Variants in DNAJC10 observed in about 807,000 individuals in gnomAD.
DNAJC10 encodes endoplasmic reticulum disulfide reductase DNAJC10.
In DNAJC10, 101 loss-of-function variants were observed where a neutral mutation model predicts 115.0. The ratio of observed to expected loss-of-function variants is 0.88; its 90% CI spans 0.75 to 1.04. DNAJC10 has a LOEUF of 1.04. Ranked by LOEUF, DNAJC10 falls within the 50% of genes least tolerant of loss-of-function variation. The probability of loss-of-function intolerance (pLI) is 0.00; values close to 1 mark genes in which losing one functional copy is unlikely to be tolerated. For synonymous variants in DNAJC10, 307 were observed against 301.5 expected, an observed-to-expected ratio of 1.02 and a Z score of -0.19; for missense variants, 981 against 928.8, an observed-to-expected ratio of 1.06 and a Z score of -0.73.
At chr2:182,760,523 A>G (rs1694262371) in intron 21 of DNAJC10, among the ~76,000 whole-genome samples, 1 of 152,072 alleles carries the variant, frequency 6.6e-6, no homozygotes, top group Non-Finnish European at 1.5e-5. Context: ...TGTTTTATTT[A>G]TTTTTATATC....
At chr2:182,756,610 GCT>G (rs1694162904) in intron 18 of DNAJC10, 141 bp downstream of exon 18, 2 of 825,806 alleles carry the variant, frequency 2.4e-6, no homozygotes, top group African/African-American at 1.7e-5. Context: ...TTTGATTCCA[GCT>G]CTGTTTCTGT....
In DNAJC10 at chr2:182,785,007, T is replaced by TTATC. The variant is rs1694920919; in HGVS notation, c.*7876_*7879dup. ...GTGTTTTCACTAAAAATATCCTGAATTATCAGTCAGTTATGTTTGACTATG... is the reference window on the plus strand; with the variant it reads ...GTGTTTTCACTAAAAATATCCTGAATTATCTATCAGTCAGTTATGTTTGACTATG... On this transcript the variant is annotated 3_prime_UTR_variant, in exon 24 of 24. Coordinates refer to ENST00000264065, the MANE Select transcript of DNAJC10 (RefSeq NM_018981.4). 1 of 152,220 alleles carries TTATC rather than the reference T, an allele frequency of 6.6e-6. No homozygotes were observed. The highest frequency in any genetic ancestry group is 2.1e-4 in the South Asian group (1 of 4,830). 9.4% of individuals were successfully genotyped at this position (152,220 alleles called of 1,614,324 possible).
In DNAJC10 at chr2:182,745,694, T is replaced by TA. The variant is rs544627440; in HGVS notation, c.1306+1982_1306+1983insA. The stretch of plus-strand genomic sequence containing the variant: ...GACAAGTAAACTAACAAATTTTTAT[T>TA]TTTTTTTTTTATGGACAAGTTTTTT... On this transcript the variant is annotated intron_variant, in intron 14 of 23. Coordinates refer to ENST00000264065, the MANE Select transcript of DNAJC10 (RefSeq NM_018981.4). Among the ~76,000 whole-genome samples the TA allele has an allele frequency of 9.8e-4, 144 of 147,194 alleles. 1 individual carries two copies. Among genetic ancestry groups the TA allele is most frequent in the Non-Finnish European group, 1.8e-3 (122 of 67,066 alleles).
rs966880132 is a variant in DNAJC10, at chr2:182,785,558, T to G, written c.*8426T>G. The G allele has an allele frequency of 3.3e-5, 5 of 152,240 alleles. No homozygotes were observed. The East Asian group carries it at 9.7e-4, about 29-fold the overall frequency. 9.4% of individuals were successfully genotyped at this position (152,240 alleles called of 1,614,324 possible). A position where few individuals can be genotyped will look rare whatever the true frequency, so the allele number is the denominator to read the frequency against. On this transcript the variant is annotated 3_prime_UTR_variant, in exon 24 of 24. Coordinates refer to ENST00000264065, the MANE Select transcript of DNAJC10 (RefSeq NM_018981.4). ...TAGTCATATAAATAAGATGAGGTAA[T>G]GTGTTTAGAAAAACAAATCAATGTG...
chr2:182,731,147 C>T (rs752906497), intron 9 of DNAJC10, 40 bp downstream of exon 9: 1 of 1,489,480 alleles, frequency 6.7e-7, no homozygotes, highest in South Asian at 1.2e-5. Context: ...GAGAACATGA[C>T]ATTTAAATTT....
At chr2:182,735,452 C>T (rs994145408) in intron 10 of DNAJC10, among the ~76,000 whole-genome samples, 2 of 151,848 alleles carry the variant, frequency 1.3e-5, no homozygotes, top group African/African-American at 4.8e-5. Flanking sequence ...TCTTTCTTAG[C>T]TTTTAATTGT....
At chr2:182,732,820 G>T in intron 10 of DNAJC10, 1 of 434,600 alleles carries the variant, frequency 2.3e-6, no homozygotes, top group Non-Finnish European at 4.0e-6. Flanking sequence ...TAGTGTTTTT[G>T]TCATTTCCCA....
In DNAJC10 at chr2:182,741,306, G is replaced by C; in HGVS notation, c.1141G>C (p.Asp381His). The C allele has an allele frequency of 6.2e-7, 1 of 1,602,238 alleles. No individual in the cohort carries two copies. ...FHFGKNENSN[D>H]PELKKLKTLL... The stretch of plus-strand genomic sequence containing the variant: ...TTTTGGAAAAAATGAAAATTCAAAT[G>C]ATCCTGAGCTGAAAAAACTAAAAAC... The change falls in exon 13 of 24, where the codon GAT becomes CAT. Residue 381 changes from aspartate (D) to histidine (H), a missense_variant. By Grantham distance (81) the Asp-to-His change is moderately conservative. Transcript: ENST00000264065.
At position 182,722,060 on chromosome 2, in the gene DNAJC10, GA is replaced by G; in HGVS notation, c.406del (p.Arg136GlufsTer16). On this transcript the variant is annotated frameshift_variant, in exon 5 of 24. Transcript: ENST00000264065. LOFTEE classifies it high-confidence loss of function. ...TGATGATCCTGAAATCATAACATTG[GA>G]AAGAAGAGAATTTGGTAAGTTTGTG... The part of the protein sequence containing the change: ...YDDDPEIITL[E>X]RREFDAAVNS... The G allele has an allele frequency of 6.4e-7, 1 of 1,563,378 alleles. No homozygotes were observed. The highest frequency in any genetic ancestry group is 8.7e-7 in the Non-Finnish European group (1 of 1,150,802).
rs578205322 is a variant in DNAJC10, at chr2:182,730,044, A to G, written c.727+103A>G. The G allele has an allele frequency of 8.5e-6, 6 of 702,904 alleles. No homozygotes were observed. The South Asian group carries it at 9.5e-5, about 11-fold the overall frequency. The allele number at this position is 702,904 out of a possible 1,614,324, so 43.5% of individuals were successfully genotyped here. ...ATTTTGGTCATGGTATTGAAATTTT[A>G]AAGTGTCTTTTCCATGTTTCTTAGA... On this transcript the variant is annotated intron_variant, in intron 8 of 23. Transcript: ENST00000264065.
chr2:182,761,746 T>G (rs1039006786), intron 21 of DNAJC10, among the ~76,000 whole-genome samples: 2 of 152,070 alleles, frequency 1.3e-5, no homozygotes, highest in African/African-American at 4.8e-5. Context: ...CAATGCGTGG[T>G]TAGATATGAA....
intron 11 of DNAJC10, among the ~76,000 whole-genome samples, 192 bp downstream of exon 11, chr2:182,736,578 A>T (rs1054054106): frequency 3.9e-5 from 6 of 152,218 alleles, no homozygotes; most frequent in African/African-American, 1.2e-4. Context: ...AAATTTAAGG[A>T]TTATTTTTAA....
chr2:182,749,978 G>A (rs1431345729), intron 14 of DNAJC10, among the ~76,000 whole-genome samples: 1 of 152,170 alleles, frequency 6.6e-6, no homozygotes, highest in Non-Finnish European at 1.5e-5. Context: ...TTCCTCACTG[G>A]CTGTTGGCAG....
chr2:182,733,160 A>G (rs1004247916), intron 10 of DNAJC10, among the ~76,000 whole-genome samples: 5 of 151,996 alleles, frequency 3.3e-5, no homozygotes, highest in African/African-American at 7.2e-5. Context: ...TCTACCATCC[A>G]TCATTGATTT....
intron 22 of DNAJC10, among the ~76,000 whole-genome samples, chr2:182,772,829 GC>G (rs1559028280): frequency 6.6e-6 from 1 of 152,086 alleles, no homozygotes; most frequent in Non-Finnish European, 1.5e-5. Context: ...GGGGCATTTA[GC>G]CCATTTACAT....
At position 182,720,181 on chromosome 2, in the gene DNAJC10, C is replaced by T. The variant is rs767954814; in HGVS notation, c.367+12C>T. ...TCGTTATGATTTTGGTAAGGTGATACGATATTACTTATGAAATGTGTTTTA... is the reference window on the plus strand; with the variant it reads ...TCGTTATGATTTTGGTAAGGTGATATGATATTACTTATGAAATGTGTTTTA... On this transcript the variant is annotated intron_variant, in intron 4 of 23. Transcript: ENST00000264065. The T allele has an allele frequency of 1.6e-5, 26 of 1,591,312 alleles. No homozygotes were observed. Among genetic ancestry groups the T allele is most frequent in the Admixed American group, 1.3e-4 (7 of 55,260 alleles).
intron 14 of DNAJC10, among the ~76,000 whole-genome samples, chr2:182,750,932 G>A (rs191734542): frequency 4.7e-4 from 72 of 152,158 alleles, no homozygotes; most frequent in African/African-American, 1.6e-3. Context: ...ACGTGTTTAC[G>A]TGATATCCAA....
chr2:182,791,168 A>G lies in DNAJC10; in HGVS notation c.*14036A>G, dbSNP rs1321283809. On this transcript the variant is annotated 3_prime_UTR_variant, in exon 24 of 24. Coordinates refer to ENST00000264065, the MANE Select transcript of DNAJC10 (RefSeq NM_018981.4). Reference sequence around the variant, plus strand: ...AATTCATTCATTATGAGATCAAGCCATAAAATTTAAATCCAAGCAGTAATT... The same window carrying G: ...AATTCATTCATTATGAGATCAAGCCGTAAAATTTAAATCCAAGCAGTAATT... The G allele has an allele frequency of 6.6e-6, 1 of 152,186 alleles. No individual in the cohort carries two copies. The highest frequency in any genetic ancestry group is 1.5e-5 in the Non-Finnish European group (1 of 68,024). The allele number at this position is 152,186 out of a possible 1,614,324, so 9.4% of individuals were successfully genotyped here. A position where few individuals can be genotyped will look rare whatever the true frequency, so the allele number is the denominator to read the frequency against.
chr2:182,793,139 CAG>C lies in DNAJC10; in HGVS notation c.*16013_*16014del, dbSNP rs1695082464. 1 of 152,050 alleles carries C rather than the reference CAG, an allele frequency of 6.6e-6. No individual in the cohort carries two copies. The allele number at this position is 152,050 out of a possible 1,614,324, so 9.4% of individuals were successfully genotyped here. ...ATGGGCTGAGGGTAGAGCATATGAA[CAG>C]AGAGAAAGGCCAGAGGACAGGCTCC... On this transcript the variant is annotated 3_prime_UTR_variant, in exon 24 of 24. Coordinates refer to ENST00000264065, the MANE Select transcript of DNAJC10 (RefSeq NM_018981.4).
Sources: gnomAD v4.1 joint callset for allele counts (sites outside exome capture counted in the v4.1 genomes callset) on GRCh38, gnomAD v4.1.1 for gene constraint, MANE v1.5 for transcripts, NCBI Gene and HGNC (gene_info 2026-07-23, HGNC 2026-07-21) for gene names.